SRCAP: variants seen among roughly 807,000 people sequenced by gnomAD.
SRCAP encodes chromatin remodeling protein SRCAP.
SRCAP carries 46 observed loss-of-function variants against 263.1 expected under a neutral mutation model. The observed-to-expected ratio is 0.17, with a 90% CI of 0.14 to 0.22. The LOEUF is 0.22. Ranked by LOEUF, SRCAP falls within the 10% of genes least tolerant of loss-of-function variation. The pLI, the probability that SRCAP is intolerant of heterozygous loss-of-function variation, is 1.00. For synonymous variants in SRCAP, 1,813 were observed against 1,662.1 expected (o/e 1.09, Z -2.21); for missense variants, 3,695 against 4,181.9 (o/e 0.88, Z 3.21).
In SRCAP at chr16:30,704,124, G is replaced by A; in HGVS notation, c.115G>A (p.Ala39Thr). ...PVSPASSSSP[A>T]SSGAGGISPQ... The stretch of plus-strand genomic sequence containing the variant: ...GTCCCCTGCCTCATCCAGTTCCCCA[G>A]CCTCTAGTGGGGCAGGCGGCATCTC... The change falls in exon 4 of 34, where the codon GCC (alanine) becomes ACC (threonine). Residue 39 changes from alanine (A) to threonine (T), a missense_variant. By Grantham distance (58) the Ala-to-Thr change is moderately conservative. Transcript: ENST00000262518. The A allele has an allele frequency of 6.2e-7, 1 of 1,614,132 alleles. No homozygotes were observed. Among genetic ancestry groups the A allele is most frequent in the Middle Eastern group, 1.7e-4 (1 of 6,060 alleles).
rs1158488978 is a variant in SRCAP at position 30,720,665 on chromosome 16, C to T, written c.2988-48C>T. The T allele has an allele frequency of 2.0e-6, 3 of 1,519,644 alleles. No homozygotes were observed. The Admixed American group carries it at 6.4e-5, about 32-fold the overall frequency. The allele number at this position is 1,519,644 out of a possible 1,614,324, so 94.1% of individuals were successfully genotyped here. Reference sequence around the variant, plus strand: ...TCTTCTTTTCTTTGATATTGCTACCCCTTATTCTCCTTCTGTCCCTACCCA... The same window carrying T: ...TCTTCTTTTCTTTGATATTGCTACCTCTTATTCTCCTTCTGTCCCTACCCA... On this transcript the variant is annotated intron_variant, in intron 19 of 33. Coordinates refer to ENST00000262518, the MANE Select transcript of SRCAP (RefSeq NM_006662.3).
At chr16:30,703,822 G>T (rs918995836) in intron 3 of SRCAP, among the ~76,000 whole-genome samples, 3 of 152,074 alleles carry the variant, frequency 2.0e-5, no homozygotes, top group Non-Finnish European at 2.9e-5. Flanking sequence ...GCATGAACCC[G>T]GGAGGCGGAG....
chr16:30,705,727 G>C (rs1014828960), intron 4 of SRCAP, among the ~76,000 whole-genome samples: 1 of 148,806 alleles, frequency 6.7e-6, no homozygotes, highest in African/African-American at 2.5e-5. Flanking sequence ...TTTTCCTTGA[G>C]ACGGAGTCTC....
intron 25 of SRCAP, chr16:30,725,859 A>G (rs1402799285): frequency 6.6e-6 from 1 of 152,096 alleles, no homozygotes. Flanking sequence ...TCCTGGCCTC[A>G]AGTGATCCTC....
intron 16 of SRCAP, 120 bp from the exon 17 acceptor site, chr16:30,715,946 T>G: frequency 7.7e-7 from 1 of 1,306,500 alleles, no homozygotes; most frequent in Non-Finnish European, 1.1e-6. Context: ...TGACTCATCT[T>G]TGTGTGGTTG....
rs199498393 is a variant in SRCAP at position 30,722,992 on chromosome 16, G to A, written c.3922G>A (p.Val1308Met). The A allele has an allele frequency of 8.1e-6, 13 of 1,613,358 alleles. No individual in the cohort carries two copies. The highest frequency in any genetic ancestry group is 2.7e-5 in the African/African-American group (2 of 74,834). The change falls in exon 24 of 34, where the codon GTG becomes ATG. Residue 1308 changes from valine (V) to methionine (M), a missense_variant. By Grantham distance (21) the Val-to-Met change is conservative (BLOSUM62 1). Coordinates refer to ENST00000262518, the MANE Select transcript of SRCAP (RefSeq NM_006662.3). ...VPPTMVNNTG[V>M]VKIVVRQAPR... ...ACCAACCATGGTGAATAATACAGGC[G>A]TGGTGAAGATTGTAGTGAGACAAGC...
At chr16:30,728,865 C>T (rs2053087115) in intron 25 of SRCAP, 101 bp from the exon 26 acceptor site, 15 of 1,367,174 alleles carry the variant, frequency 1.1e-5, no homozygotes, top group Non-Finnish European at 1.4e-5. Flanking sequence ...ATTTTTGGAT[C>T]CCATGGTTTC....
chr16:30,704,475 G>A (rs1019094328), intron 4 of SRCAP, among the ~76,000 whole-genome samples, 160 bp downstream of exon 4: 1 of 152,088 alleles, frequency 6.6e-6, no homozygotes, highest in African/African-American at 2.4e-5. Context: ...TGAATATTGA[G>A]TCTCATTTTC....
At chr16:30,726,358 T>G (rs1010073435) in intron 25 of SRCAP, 6 of 152,256 alleles carry the variant, frequency 3.9e-5, no homozygotes, top group Admixed American at 2.0e-4. Context: ...ACAGGTGTTC[T>G]CAGTTTCTGT....
intron 7 of SRCAP, 36 bp downstream of exon 7, chr16:30,709,771 T>G: frequency 6.2e-7 from 1 of 1,613,972 alleles, no homozygotes; most frequent in Non-Finnish European, 8.5e-7. Context: ...CTCTTCCTCA[T>G]GTACCCTTTC....
rs2052868900 is a variant in SRCAP at position 30,709,870 on chromosome 16, A to G, written c.876A>G (p.Gln292=). 1 of 1,614,064 alleles carries G rather than the reference A, an allele frequency of 6.2e-7. No individual in the cohort carries two copies. The highest frequency in any genetic ancestry group is 1.1e-5 in the South Asian group (1 of 91,088). The part of the protein sequence containing the change: ...LDDEDGDFQP[Q]EDEEEDDEET... ...CTATAGATGGGGACTTTCAACCCCAAGAGGATGAGGAAGAGGATGATGAGG... is the reference window on the plus strand; with the variant it reads ...CTATAGATGGGGACTTTCAACCCCAGGAGGATGAGGAAGAGGATGATGAGG... The change falls in exon 8 of 34, where the codon CAA becomes CAG. Residue 292 remains glutamine (Q), a synonymous_variant. Coordinates refer to ENST00000262518, the MANE Select transcript of SRCAP (RefSeq NM_006662.3).
In SRCAP at chr16:30,738,615, C is replaced by T. The variant is rs766382906; in HGVS notation, c.8575C>T (p.Arg2859Trp). Residue 2859 changes from arginine to tryptophan, a missense_variant, in exon 34 of 34, where the codon CGG becomes TGG. This residue lies in a region of SRCAP where 1,207 missense variants were observed against 1,142.9 expected (regional missense o/e 1.06). Transcript: ENST00000262518. ...CATCACCCCACCTGCTGTGAAACGT[C>T]GGAGGGGGAGGCCCCCCAAGAAGAA... ...LAITPPAVKR[R>W]RGRPPKKNRS... 7 of 1,603,646 alleles carry T rather than the reference C, an allele frequency of 4.4e-6. No homozygotes were observed. Among genetic ancestry groups the T allele is most frequent in the South Asian group, 1.1e-5 (1 of 89,978 alleles).
intron 20 of SRCAP, 42 bp from the exon 21 acceptor site, chr16:30,721,147 T>C (rs1333754594): frequency 1.3e-6 from 2 of 1,560,852 alleles, no homozygotes; most frequent in Non-Finnish European, 8.7e-7. Flanking sequence ...GCTAAGGCTT[T>C]AGTCAGGGTA....
chr16:30,723,746 T>C lies in SRCAP; in HGVS notation c.4322T>C (p.Ile1441Thr), dbSNP rs1330052021. The C allele has an allele frequency of 6.2e-7, 1 of 1,613,950 alleles. No individual in the cohort carries two copies. Among genetic ancestry groups the C allele is most frequent in the East Asian group, 2.2e-5 (1 of 44,864 alleles). Residue 1441 changes from isoleucine (I) to threonine (T), a missense_variant, in exon 25 of 34, where the codon ATC becomes ACC. Ile to Thr is a moderately conservative substitution (Grantham distance 89). Coordinates refer to ENST00000262518, the MANE Select transcript of SRCAP (RefSeq NM_006662.3). Reference protein sequence around the residue: ...VSVPLSSSLPISVPTTLPAPA... With the variant: ...VSVPLSSSLPTSVPTTLPAPA... ...GTTCCATTGTCATCTTCACTCCCCA[T>C]CTCTGTCCCCACCACACTTCCTGCC... is the stretch of plus-strand genomic sequence containing the variant.
chr16:30,734,880 C>T (rs1382249168), intron 31 of SRCAP, among the ~76,000 whole-genome samples: 1 of 152,112 alleles, frequency 6.6e-6, no homozygotes, highest in African/African-American at 2.4e-5. Context: ...AATCGTCACT[C>T]TTCTGAACCT....
intron 16 of SRCAP, among the ~76,000 whole-genome samples, chr16:30,714,064 A>ATT (rs528435570): frequency 2.3e-4 from 28 of 123,136 alleles, no homozygotes; most frequent in African/African-American, 6.8e-4. Context: ...AGCCTGGCTA[A>ATT]TTTTTTTTTT....
At position 30,734,526 on chromosome 16, in the gene SRCAP, C is replaced by T. The variant is rs765049130; in HGVS notation, c.6640C>T (p.Leu2214=). The T allele has an allele frequency of 1.1e-5, 18 of 1,614,002 alleles. No homozygotes were observed. The highest frequency in any genetic ancestry group is 1.5e-5 in the Non-Finnish European group (18 of 1,179,984). Residue 2214 remains leucine, a synonymous_variant, in exon 31 of 34, where the codon CTG becomes TTG. Transcript: ENST00000262518. ...QTIRELFDMP[L]EEPSSSSVPS... is the part of the protein sequence containing the mutation. ...CATCCGAGAGCTGTTTGATATGCCC[C>T]TGGAGGAACCTTCTAGCTCATCCGT...
At chr16:30,718,787 G>C (rs555037001) in intron 18 of SRCAP, among the ~76,000 whole-genome samples, 2 of 152,076 alleles carry the variant, frequency 1.3e-5, no homozygotes, top group South Asian at 4.1e-4. Context: ...TTTAAATTTT[G>C]ATGTAGTTCA....
Position 30,739,915 on chromosome 16 carries a change from C to T in SRCAP, c.*182C>T, listed in dbSNP as rs546713293. ...TGGTTGTCATGGAAATGGGGATCAT[C>T]ACAGTCCCCTTCCCCTTCACCCCAC... On this transcript the variant is annotated 3_prime_UTR_variant, in exon 34 of 34. Transcript: ENST00000262518. 9.8e-5 allele frequency: 96 copies of T among 977,694 alleles called. No homozygotes were observed. In the South Asian group the frequency reaches 1.9e-3, roughly 19 times the overall value. The allele number at this position is 977,694 out of a possible 1,614,324, so 60.6% of individuals were successfully genotyped here.
Sources: allele counts gnomAD v4.1 joint callset (sites outside exome capture counted in the v4.1 genomes callset), GRCh38; gene constraint gnomAD v4.1.1; regional missense constraint gnomAD v4.1.1; transcripts MANE v1.5; gene names NCBI Gene and HGNC (gene_info 2026-07-23, HGNC 2026-07-21).